SLC5A4: variants seen among roughly 807,000 people sequenced by gnomAD.
The protein encoded by SLC5A4 is probable glucose sensor protein SLC5A4.
SLC5A4 carries 55 observed loss-of-function variants against 70.3 expected under a neutral mutation model. The observed-to-expected ratio is 0.78, with a 90% CI of 0.63 to 0.98. The LOEUF is 0.98. Among genes scored for constraint, SLC5A4 ranks in the 50% least tolerant of loss-of-function variants. The pLI is 0.00. For missense variants in SLC5A4, 735 were observed against 839.2 expected (o/e 0.88, Z 1.53); for synonymous variants, 268 against 305.7 (o/e 0.88, Z 1.29).
At chr22:32,326,842 G>A in the SLC5A4 span, among the ~76,000 whole-genome samples, 1 of 152,280 alleles carries the variant, frequency 6.6e-6, no homozygotes, top group Non-Finnish European at 1.5e-5. Context: ...GTCAGCGGAG[G>A]GGATGTGGCC....
intron 11 of SLC5A4, among the ~76,000 whole-genome samples, chr22:32,227,655 C>T (rs558383352): frequency 5.9e-5 from 9 of 152,090 alleles, no homozygotes; most frequent in South Asian, 2.1e-4. Context: ...AGCCATATTT[C>T]GGCAGGTGGG....
chr22:32,329,156 G>A, the SLC5A4 span, among the ~76,000 whole-genome samples: 3 of 152,234 alleles, frequency 2.0e-5, no homozygotes, highest in Non-Finnish European at 4.4e-5. Flanking sequence ...CTTCAGGGGA[G>A]AGTTGTTGGG....
At chr22:32,305,213 TC>T in the SLC5A4 span, among the ~76,000 whole-genome samples, 8 of 147,228 alleles carry the variant, frequency 5.4e-5, no homozygotes, top group African/African-American at 2.0e-4. Flanking sequence ...TTTTCCTGTA[TC>T]TTTTTTTTAT....
chr22:32,331,282 C>T, the SLC5A4 span, among the ~76,000 whole-genome samples: 1 of 151,874 alleles, frequency 6.6e-6, no homozygotes, highest in Non-Finnish European at 1.5e-5. Flanking sequence ...GAGAGCCTCT[C>T]CCTGGCTGTT....
intron 6 of SLC5A4, among the ~76,000 whole-genome samples, 189 bp downstream of exon 6, chr22:32,238,796 A>G (rs761630234): frequency 5.3e-5 from 8 of 152,126 alleles, no homozygotes; most frequent in Non-Finnish European, 1.0e-4. Context: ...AGATGTTCAC[A>G]TCTAATATGG....
At chr22:32,281,639 A>C in the SLC5A4 span, among the ~76,000 whole-genome samples, 1 of 151,622 alleles carries the variant, frequency 6.6e-6, no homozygotes, top group Non-Finnish European at 1.5e-5. Flanking sequence ...CAGGCATGTA[A>C]CACCACACCA....
At chr22:32,271,624 A>C in the SLC5A4 span, 1 of 650,270 alleles carries the variant, frequency 1.5e-6, no homozygotes, top group South Asian at 1.6e-5. Context: ...GCTACTCAGG[A>C]GTGTTCATCT....
intron 5 of SLC5A4, among the ~76,000 whole-genome samples, chr22:32,240,406 G>A (rs1926447567): frequency 6.6e-6 from 1 of 151,690 alleles, no homozygotes; most frequent in African/African-American, 2.4e-5. Flanking sequence ...AATAATTCAG[G>A]ACAATTTCCT....
chr22:32,232,261 G>T (rs1418300328), intron 9 of SLC5A4, among the ~76,000 whole-genome samples: 1 of 152,160 alleles, frequency 6.6e-6, no homozygotes, highest in Non-Finnish European at 1.5e-5. Flanking sequence ...ATCAACTGAT[G>T]CCCAGTTGAG....
chr22:32,270,293 C>T, the SLC5A4 span: 21 of 817,708 alleles, frequency 2.6e-5, no homozygotes, highest in Middle Eastern at 2.5e-4. Flanking sequence ...AACCCTGAGC[C>T]GGACCTGGAG....
At chr22:32,239,639 A>G (rs1248851436) in intron 5 of SLC5A4, among the ~76,000 whole-genome samples, 1 of 129,670 alleles carries the variant, frequency 7.7e-6, no homozygotes, top group Admixed American at 9.4e-5. Context: ...TATATAATAT[A>G]TATATTATAT....
intron 5 of SLC5A4, among the ~76,000 whole-genome samples, chr22:32,246,036 T>C (rs1188066525): frequency 6.6e-6 from 1 of 152,226 alleles, no homozygotes; most frequent in East Asian, 1.9e-4. Context: ...TCAGGGAGCA[T>C]ACTCTTCTCC....
chr22:32,328,095 CAA>C, the SLC5A4 span, among the ~76,000 whole-genome samples: 2 of 101,884 alleles, frequency 2.0e-5, no homozygotes, highest in Non-Finnish European at 2.5e-5. Context: ...CCCCAACACA[CAA>C]ACACACACAC....
At chr22:32,232,786 G>T (rs1369937508) in intron 9 of SLC5A4, 113 bp downstream of exon 9, 1 of 1,370,778 alleles carries the variant, frequency 7.3e-7, no homozygotes, top group Non-Finnish European at 9.9e-7. Flanking sequence ...CCACCTGGAA[G>T]TCTGCTTTTA....
the SLC5A4 span, among the ~76,000 whole-genome samples, chr22:32,265,080 G>A: frequency 6.6e-6 from 1 of 152,210 alleles, no homozygotes; most frequent in East Asian, 1.9e-4. Context: ...CTTCCTTTGT[G>A]TTACTCTTTG....
chr22:32,350,070 C>T, the SLC5A4 span, among the ~76,000 whole-genome samples: 3 of 152,126 alleles, frequency 2.0e-5, no homozygotes, highest in African/African-American at 7.2e-5. Context: ...GCTTACACTT[C>T]TTGGGGGTCC....
the SLC5A4 span, among the ~76,000 whole-genome samples, chr22:32,340,958 G>A: frequency 6.6e-6 from 1 of 152,230 alleles, no homozygotes; most frequent in Admixed American, 6.5e-5. Context: ...GACAAGGAGG[G>A]CTGGTCTCAG....
At chr22:32,330,639 G>C in the SLC5A4 span, among the ~76,000 whole-genome samples, 4 of 120,584 alleles carry the variant, frequency 3.3e-5, no homozygotes, top group African/African-American at 1.3e-4. Flanking sequence ...GTGTGTGTTG[G>C]GGGCTCTGTA....
chr22:32,271,298 G>A, the SLC5A4 span: 287 of 743,598 alleles, frequency 3.9e-4, 2 homozygotes, highest in Non-Finnish European at 6.3e-4. Context: ...GGCGAGGCCC[G>A]CAGGGAGGAG....
Sources: allele counts gnomAD v4.1 joint callset (sites outside exome capture counted in the v4.1 genomes callset), GRCh38; gene constraint gnomAD v4.1.1; transcripts MANE v1.5; gene names NCBI Gene and HGNC (gene_info 2026-07-23, HGNC 2026-07-21).